Variants in SIL1 observed in about 807,000 individuals in gnomAD.
SIL1 encodes SIL1 nucleotide exchange factor.
In SIL1, 40 loss-of-function variants were observed where a neutral mutation model predicts 49.1. That is an observed-to-expected ratio of 0.81 (90% CI 0.63 to 1.06). SIL1 has a LOEUF of 1.06. SIL1 is among the 50% of genes least tolerant of loss of function. The pLI is 0.00. For synonymous variants in SIL1, 253 were observed against 250.8 expected, an observed-to-expected ratio of 1.01 and a Z score of -0.08; for missense variants, 500 against 572.6, an observed-to-expected ratio of 0.87 and a Z score of 1.29.
chr5:138,969,397 G>A (rs1767223370), intron 7 of SIL1, among the ~76,000 whole-genome samples: 1 of 152,204 alleles, frequency 6.6e-6, no homozygotes, highest in African/African-American at 2.4e-5. Context: ...GGAAACTGTA[G>A]GCTAGAGCTC....
In SIL1 at chr5:138,956,669, G is replaced by C. The variant is rs1355128519; in HGVS notation, c.768-4785C>G. Among the ~76,000 whole-genome samples, 3 of 151,726 alleles carry C rather than the reference G, an allele frequency of 2.0e-5. No homozygotes were observed. The South Asian group carries it at 6.3e-4, about 32-fold the overall frequency. On this transcript the variant is annotated intron_variant, in intron 7 of 9. Transcript: ENST00000394817. ...AAGGCAGGAGAATCGCTTGAACCCA[G>C]GAGGTAGAGGTTTCAGTGAGCTGAG...
chr5:139,162,665 G>A (rs1304442831), intron 1 of SIL1, among the ~76,000 whole-genome samples: 7 of 152,152 alleles, frequency 4.6e-5, no homozygotes, highest in Non-Finnish European at 1.0e-4. Context: ...CAGGTTCAGC[G>A]TAATAAAAGA....
intron 1 of SIL1, among the ~76,000 whole-genome samples, chr5:139,195,382 T>TTTTTG (rs200533231): frequency 1.5e-3 from 228 of 152,262 alleles, no homozygotes; most frequent in Non-Finnish European, 2.4e-3. Flanking sequence ...TTCCCAGTTT[T>TTTTTG]TTTTGTTTTG....
chr5:139,076,407 C>T (rs539285094), intron 3 of SIL1, among the ~76,000 whole-genome samples: 1 of 152,240 alleles, frequency 6.6e-6, no homozygotes, highest in South Asian at 2.1e-4. Flanking sequence ...CATAAATAAA[C>T]AAATGGAAAA....
rs138157967 is a variant in SIL1 at position 139,063,426 on chromosome 5, T to C, written c.245-12380A>G. 4.0e-3 allele frequency among the ~76,000 whole-genome samples: 610 copies of C among 152,338 alleles called. 2 individuals are homozygous for C. The highest frequency in any genetic ancestry group is 0.013 in the African/African-American group (541 of 41,574). On this transcript the variant is annotated intron_variant, in intron 3 of 9. Transcript: ENST00000394817. ...CATCTCACACCTGTTTCCTAGCTAG[T>C]TGATGCCTCCACTCCCCTTTGATCT...
intron 6 of SIL1, chr5:139,022,517 T>C (rs905816821): frequency 6.6e-6 from 1 of 152,222 alleles, no homozygotes; most frequent in Non-Finnish European, 1.5e-5. Context: ...GCTGAGCATA[T>C]GGTTAGGTGT....
At chr5:138,956,653 G>C (rs1326812114) in intron 7 of SIL1, among the ~76,000 whole-genome samples, 1 of 151,520 alleles carries the variant, frequency 6.6e-6, no homozygotes, top group Non-Finnish European at 1.5e-5. Flanking sequence ...TAAGGCAGGA[G>C]AATCGCTTGA....
intron 1 of SIL1, among the ~76,000 whole-genome samples, chr5:139,142,539 C>A (rs1411037152): frequency 1.3e-5 from 2 of 151,976 alleles, no homozygotes; most frequent in Non-Finnish European, 2.9e-5. Flanking sequence ...AGGAAAAAAA[C>A]CACATGATCA....
chr5:138,995,888 G>A (rs1581014810), intron 7 of SIL1, among the ~76,000 whole-genome samples: 1 of 152,122 alleles, frequency 6.6e-6, no homozygotes, highest in East Asian at 1.9e-4. Flanking sequence ...GCATATTAAA[G>A]GATTTCTTTT....
chr5:139,068,655 G>GAAAA (rs745799045), intron 3 of SIL1, among the ~76,000 whole-genome samples: 62 of 64,696 alleles, frequency 9.6e-4, no homozygotes, highest in Middle Eastern at 0.015. Flanking sequence ...GAATGAAAAG[G>GAAAA]AAAAAAAAAA....
intron 7 of SIL1, among the ~76,000 whole-genome samples, chr5:138,985,341 A>G (rs1332866050): frequency 6.6e-6 from 1 of 152,164 alleles, no homozygotes; most frequent in Non-Finnish European, 1.5e-5. Context: ...CCACAGGAAA[A>G]CACCTCCCAT....
chr5:139,103,992 T>A (rs569142915), intron 3 of SIL1, among the ~76,000 whole-genome samples: 261 of 151,410 alleles, frequency 1.7e-3, no homozygotes, highest in Admixed American at 3.3e-3. Context: ...AGAAAGAGGC[T>A]CAGCTCTAGA....
At chr5:139,056,567 C>A (rs866994694) in intron 3 of SIL1, among the ~76,000 whole-genome samples, 15 of 149,030 alleles carry the variant, frequency 1.0e-4, no homozygotes, top group African/African-American at 1.2e-4. Flanking sequence ...GCCCCCCGAC[C>A]GGCCAGCCGC....
chr5:139,140,990 T>C (rs904989047), intron 1 of SIL1, among the ~76,000 whole-genome samples: 6 of 152,102 alleles, frequency 3.9e-5, no homozygotes, highest in Non-Finnish European at 8.8e-5. Flanking sequence ...AGAGCACAGT[T>C]ACAAGCAGAA....
intron 1 of SIL1, among the ~76,000 whole-genome samples, chr5:139,165,771 C>A (rs1415251657): frequency 6.6e-6 from 1 of 152,114 alleles, no homozygotes; most frequent in East Asian, 1.9e-4. Flanking sequence ...GATTCTCCTG[C>A]CTCAGACTCC....
At chr5:139,079,001 A>G (rs1339389863) in intron 3 of SIL1, among the ~76,000 whole-genome samples, 1 of 152,244 alleles carries the variant, frequency 6.6e-6, no homozygotes, top group Non-Finnish European at 1.5e-5. Flanking sequence ...TTGAAATGTG[A>G]CTAGTGATAC....
At chr5:139,056,625 G>A (rs1362765118) in intron 3 of SIL1, among the ~76,000 whole-genome samples, 4 of 145,900 alleles carry the variant, frequency 2.7e-5, no homozygotes, top group Non-Finnish European at 4.5e-5. Flanking sequence ...CCGGCCAGCC[G>A]CCCCATCAAG....
chr5:138,966,040 C>G (rs557742527), intron 7 of SIL1, among the ~76,000 whole-genome samples: 32 of 152,058 alleles, frequency 2.1e-4, no homozygotes, highest in Non-Finnish European at 3.8e-4. Context: ...CAGATGAGGA[C>G]CCAGCTTCCT....
Position 139,065,802 on chromosome 5 carries a change from T to C in SIL1, c.245-14756A>G, listed in dbSNP as rs116002613. 8.8e-3 allele frequency among the ~76,000 whole-genome samples: 1,337 copies of C among 152,258 alleles called. 8 individuals carry two copies. The highest frequency in any genetic ancestry group is 0.015 in the Admixed American group (226 of 15,284). ...CTACCCACTATACACTCCTGAGTCT[T>C]CTCCAAGTACCCAGGCAGAAGTATA... is the stretch of plus-strand genomic sequence containing the variant. On this transcript the variant is annotated intron_variant, in intron 3 of 9. Coordinates refer to ENST00000394817, the MANE Select transcript of SIL1 (RefSeq NM_022464.5).
Sources: allele counts gnomAD v4.1 joint callset (sites outside exome capture counted in the v4.1 genomes callset), GRCh38; gene constraint gnomAD v4.1.1; transcripts MANE v1.5; gene names NCBI Gene and HGNC (gene_info 2026-07-23, HGNC 2026-07-21).